The following ASIC2 variants were observed in gnomAD, a reference collection of about 807,000 sequenced individuals.
ASIC2 encodes the protein acid sensing ion channel subunit 2, also known as acid-sensing ion channel 2.
A neutral mutation model predicts 57.3 loss-of-function variants in ASIC2; 25 were observed. The observed-to-expected ratio is 0.44, with a 90% CI of 0.32 to 0.61. The LOEUF (loss-of-function observed/expected upper bound fraction) is 0.61. ASIC2 is among the 20% of genes least tolerant of loss of function. The pLI, the probability that ASIC2 is intolerant of heterozygous loss-of-function variation, is 0.06. For missense variants in ASIC2, 641 were observed against 738.1 expected (o/e 0.87, Z 1.52); for synonymous variants, 319 against 307.5 (o/e 1.04, Z -0.39).
chr17:34,017,114 T>C (rs1372360874), intron 1 of ASIC2, among the ~76,000 whole-genome samples: 1 of 152,264 alleles, frequency 6.6e-6, no homozygotes, highest in Non-Finnish European at 1.5e-5. Context: ...AGCAAGTCTA[T>C]TAGCATCATT....
intron 1 of ASIC2, among the ~76,000 whole-genome samples, chr17:33,885,300 A>G (rs533369623): frequency 5.3e-5 from 8 of 152,346 alleles, no homozygotes; most frequent in African/African-American, 1.9e-4. Flanking sequence ...GGACAAAAAT[A>G]GTACTTACCT....
At chr17:33,320,977 G>T (rs1906846495) in intron 1 of ASIC2, among the ~76,000 whole-genome samples, 1 of 152,204 alleles carries the variant, frequency 6.6e-6, no homozygotes, top group Middle Eastern at 3.2e-3. Context: ...CATTCTGCAT[G>T]GAAGGTCACC....
intron 1 of ASIC2, among the ~76,000 whole-genome samples, chr17:33,496,138 G>T (rs1168827659): frequency 6.6e-6 from 1 of 152,150 alleles, no homozygotes; most frequent in Non-Finnish European, 1.5e-5. Context: ...TGTGCAAATT[G>T]ATATAAGGGT....
intron 1 of ASIC2, among the ~76,000 whole-genome samples, chr17:33,227,181 T>G (rs554316021): frequency 6.6e-6 from 1 of 152,360 alleles, no homozygotes; most frequent in Admixed American, 6.5e-5. Flanking sequence ...AGACTGTCAG[T>G]GGGGCAGGCC....
intron 1 of ASIC2, among the ~76,000 whole-genome samples, chr17:33,972,418 A>G (rs751090668): frequency 2.0e-5 from 3 of 152,196 alleles, no homozygotes; most frequent in Non-Finnish European, 4.4e-5. Context: ...AAAACAAACA[A>G]AGGTCAGTAT....
At chr17:33,652,030 G>C (rs150478736) in intron 1 of ASIC2, among the ~76,000 whole-genome samples, 18 of 152,322 alleles carry the variant, frequency 1.2e-4, no homozygotes, top group Non-Finnish European at 2.1e-4. Flanking sequence ...TGCTGTAACA[G>C]AAGGGCCTCA....
Position 33,107,890 on chromosome 17 carries a change from G to C in ASIC2, c.859+4027C>G, listed in dbSNP as rs143624557. Among the ~76,000 whole-genome samples, 133 of 152,336 alleles carry C rather than the reference G, an allele frequency of 8.7e-4. 1 individual carries two copies. Among genetic ancestry groups the C allele is most frequent in the African/African-American group, 2.9e-3 (122 of 41,574 alleles). ...CACAAGGCAAGGCAAAAGTGTTCCA[G>C]AGGCTCTGCTTTGAGCAGAATGGGA... is the stretch of plus-strand genomic sequence containing the variant. On this transcript the variant is annotated intron_variant, in intron 2 of 9. Transcript: ENST00000225823.
chr17:33,570,826 C>T (rs928516635), intron 1 of ASIC2, among the ~76,000 whole-genome samples: 8 of 152,132 alleles, frequency 5.3e-5, no homozygotes, highest in African/African-American at 1.9e-4. Context: ...CATGTGGCAT[C>T]TCATCCTCAA....
At chr17:33,516,158 G>A (rs1327111750) in intron 1 of ASIC2, among the ~76,000 whole-genome samples, 1 of 140,072 alleles carries the variant, frequency 7.1e-6, no homozygotes, top group Non-Finnish European at 1.6e-5. Context: ...AACAAAACAA[G>A]AACGCAGAGC....
In ASIC2 at chr17:33,099,806, C is replaced by T. The variant is rs141784904; in HGVS notation, c.860-10816G>A. On this transcript the variant is annotated intron_variant, in intron 2 of 9. Transcript: ENST00000225823. Reference sequence around the variant, plus strand: ...TTGTAAAAATTCTGTTTACACACACCGATGGTGGAAGTTAGGTACAACCAG... The same window carrying T: ...TTGTAAAAATTCTGTTTACACACACTGATGGTGGAAGTTAGGTACAACCAG... Among the ~76,000 whole-genome samples the T allele has an allele frequency of 4.0e-3, 616 of 152,152 alleles. 7 individuals are homozygous for T. Among genetic ancestry groups the T allele is most frequent in the Admixed American group, 0.026 (399 of 15,292 alleles).
intron 1 of ASIC2, among the ~76,000 whole-genome samples, chr17:34,090,803 AG>A (rs1309815455): frequency 6.6e-6 from 1 of 152,176 alleles, no homozygotes. Context: ...TCCAAATAGG[AG>A]GGGTCTTGGC....
chr17:33,494,036 T>C (rs1316998287), intron 1 of ASIC2, among the ~76,000 whole-genome samples: 1 of 152,238 alleles, frequency 6.6e-6, no homozygotes, highest in African/African-American at 2.4e-5. Flanking sequence ...AAATTGAGAC[T>C]CTGAAGCGAA....
At chr17:34,086,683 T>C (rs1193357363) in intron 1 of ASIC2, among the ~76,000 whole-genome samples, 1 of 152,198 alleles carries the variant, frequency 6.6e-6, no homozygotes, top group Non-Finnish European at 1.5e-5. Context: ...TAAGTCTCTT[T>C]GTAGGTCACT....
chr17:33,740,560 G>A (rs953266532), intron 1 of ASIC2, among the ~76,000 whole-genome samples: 6 of 152,120 alleles, frequency 3.9e-5, no homozygotes, highest in Non-Finnish European at 8.8e-5. Flanking sequence ...CATGACACTT[G>A]GGGATTATGC....
intron 1 of ASIC2, among the ~76,000 whole-genome samples, chr17:33,216,425 C>T (rs1379303593): frequency 6.6e-6 from 1 of 152,196 alleles, no homozygotes; most frequent in African/African-American, 2.4e-5. Context: ...TCAACTCTTG[C>T]TGTCTGGAGT....
At chr17:33,585,725 C>T (rs775978384) in intron 1 of ASIC2, among the ~76,000 whole-genome samples, 17 of 152,180 alleles carry the variant, frequency 1.1e-4, no homozygotes, top group Non-Finnish European at 2.4e-4. Context: ...GTTATGGCAA[C>T]CAGGTAGGAT....
rs568982881 is a variant in ASIC2 at position 33,232,483 on chromosome 17, T to C, written c.708+58925A>G. Reference sequence around the variant, plus strand: ...TGGTATGGTATGGTATGGTATGGTATGGTATGGTATGGTACGGTATGGTAT... The same window carrying C: ...TGGTATGGTATGGTATGGTATGGTACGGTATGGTATGGTACGGTATGGTAT... On this transcript the variant is annotated intron_variant, in intron 1 of 9. Transcript: ENST00000225823. Among the ~76,000 whole-genome samples the C allele has an allele frequency of 5.3e-4, 80 of 150,622 alleles. 1 individual carries two copies. Among genetic ancestry groups the C allele is most frequent in the South Asian group, 2.1e-4 (1 of 4,746 alleles).
upstream of ASIC2, among the ~76,000 whole-genome samples, chr17:33,297,262 G>A (rs1905755272): frequency 6.6e-6 from 1 of 152,196 alleles, no homozygotes; most frequent in African/African-American, 2.4e-5. Context: ...GCTCTTGGGT[G>A]TGAATCTCCT....
chr17:33,332,963 C>T lies in ASIC2; in HGVS notation c.556-220896G>A, dbSNP rs141848100. Among the ~76,000 whole-genome samples the T allele has an allele frequency of 7.9e-5, 12 of 152,220 alleles. No individual in the cohort carries two copies. The East Asian group carries it at 2.3e-3, about 29-fold the overall frequency. On this transcript the variant is annotated intron_variant, in intron 1 of 9. Coordinates refer to the ASIC2 transcript ENST00000359872. ...ATTATAGCAGCATGCCTAGGAGAGG[C>T]CTTCTCTCATTGAATTTTTCTGGCC...
Sources: gnomAD v4.1 joint callset for allele counts (sites outside exome capture counted in the v4.1 genomes callset) on GRCh38, gnomAD v4.1.1 for gene constraint, MANE v1.5 for transcripts, NCBI Gene and HGNC (gene_info 2026-07-23, HGNC 2026-07-21) for gene names.